The following SEMA3A variants were observed in gnomAD, a reference collection of about 807,000 sequenced individuals.
SEMA3A encodes semaphorin 3A, also known as semaphorin-3A.
Under a neutral mutation model 97.9 loss-of-function variants are expected in SEMA3A, and 29 were observed. The observed-to-expected ratio is 0.30, with a 90% CI of 0.22 to 0.40. The LOEUF is 0.40. SEMA3A is among the 10% of genes least tolerant of loss of function. The pLI, the probability that SEMA3A is intolerant of heterozygous loss-of-function variation, is 1.00. For synonymous variants in SEMA3A, 321 were observed against 323.7 expected (o/e 0.99, Z 0.09); for missense variants, 763 against 951.3 (o/e 0.80, Z 2.60).
At chr7:84,310,039 T>C (rs1036739987) in intron 2 of SEMA3A, among the ~76,000 whole-genome samples, 2 of 152,198 alleles carry the variant, frequency 1.3e-5, no homozygotes, top group Non-Finnish European at 2.9e-5. Context: ...AATCAAAATA[T>C]TGTAGAAAAC....
At chr7:84,230,090 C>T (rs1361938239) in intron 3 of SEMA3A, among the ~76,000 whole-genome samples, 3 of 151,904 alleles carry the variant, frequency 2.0e-5, no homozygotes, top group Non-Finnish European at 4.4e-5. Context: ...TGGCATTTGA[C>T]ATTCTTAACC....
chr7:84,001,790 A>C (rs998865916), intron 12 of SEMA3A, among the ~76,000 whole-genome samples, 165 bp downstream of exon 12: 10 of 152,086 alleles, frequency 6.6e-5, no homozygotes, highest in Admixed American at 4.6e-4. Flanking sequence ...CTAGCATTGA[A>C]AGTTTCAAGG....
At chr7:84,194,984 G>C (rs1798175097), upstream of SEMA3A, 1 of 155,404 alleles carries the variant, frequency 6.4e-6, no homozygotes, top group Non-Finnish European at 1.4e-5. Context: ...CGGCTCCGGG[G>C]AAGCAGAATG....
chr7:84,116,559 G>A (rs1583989682), intron 3 of SEMA3A, among the ~76,000 whole-genome samples: 1 of 152,062 alleles, frequency 6.6e-6, no homozygotes, highest in African/African-American at 2.4e-5. Flanking sequence ...TACCATCTGG[G>A]AATATGACTC....
intron 3 of SEMA3A, among the ~76,000 whole-genome samples, chr7:84,268,294 T>TGTGTGC (rs1244680258): frequency 2.0e-5 from 3 of 148,594 alleles, no homozygotes; most frequent in Non-Finnish European, 4.5e-5. Context: ...TGTGTGTGTG[T>TGTGTGC]GCAGGTGCTC....
chr7:84,418,956 TACAC>T lies in SEMA3A; in HGVS notation c.-245-47060_-245-47057del, dbSNP rs71524605. Among the ~76,000 whole-genome samples, 34 of 151,874 alleles carry T rather than the reference TACAC, an allele frequency of 2.2e-4. No individual in the cohort carries two copies. In the Middle Eastern group the frequency reaches 0.014, roughly 61 times the overall value. On this transcript the variant is annotated intron_variant, in intron 1 of 3. Coordinates refer to the SEMA3A transcript ENST00000424555. Reference sequence around the variant, plus strand: ...ATACATATATCTACACATATATATATACACACACACATACATATATATACATACA... The same window carrying T: ...ATACATATATCTACACATATATATATACACACATACATATATATACATACA...
At chr7:84,003,010 C>G (rs1790523019) in intron 11 of SEMA3A, among the ~76,000 whole-genome samples, 1 of 152,070 alleles carries the variant, frequency 6.6e-6, no homozygotes, top group African/African-American at 2.4e-5. Flanking sequence ...CTAGTTCTGA[C>G]TAAACTTGAT....
chr7:84,216,633 A>G (rs544494968), intron 3 of SEMA3A, among the ~76,000 whole-genome samples: 1 of 152,280 alleles, frequency 6.6e-6, no homozygotes, highest in African/African-American at 2.4e-5. Context: ...CCTCTGAGTC[A>G]TGTTAGGCAG....
chr7:84,020,051 T>C (rs1436829693), intron 6 of SEMA3A, among the ~76,000 whole-genome samples: 283 of 126,356 alleles, frequency 2.2e-3, no homozygotes, highest in African/African-American at 7.9e-3. Context: ...TTTTTTTTTT[T>C]TTTTTTTTTT....
chr7:83,987,794 T>G (rs879765200), intron 12 of SEMA3A, among the ~76,000 whole-genome samples: 1 of 152,202 alleles, frequency 6.6e-6, no homozygotes, highest in Admixed American at 6.5e-5. Context: ...AGTCTTTCTT[T>G]GTTTCTTATA....
intron 4 of SEMA3A, among the ~76,000 whole-genome samples, chr7:84,098,045 TAATAG>T (rs1186843532): frequency 1.3e-5 from 2 of 151,996 alleles, no homozygotes; most frequent in African/African-American, 4.8e-5. Flanking sequence ...ACATTAGAAA[TAATAG>T]AATAAAGAGT....
intron 6 of SEMA3A, among the ~76,000 whole-genome samples, chr7:84,026,114 G>A (rs1791534410): frequency 6.6e-6 from 1 of 152,130 alleles, no homozygotes; most frequent in East Asian, 1.9e-4. Context: ...CCTCAAAAAG[G>A]CAAATGACGG....
At chr7:84,172,141 C>T (rs990934443) in intron 1 of SEMA3A, among the ~76,000 whole-genome samples, 13 of 152,140 alleles carry the variant, frequency 8.5e-5, no homozygotes, top group African/African-American at 3.1e-4. Context: ...CCTTCGCTCT[C>T]TAAAAGAGCA....
intron 3 of SEMA3A, among the ~76,000 whole-genome samples, chr7:84,287,864 T>C (rs1800630523): frequency 6.6e-6 from 1 of 152,136 alleles, no homozygotes; most frequent in African/African-American, 2.4e-5. Flanking sequence ...GACTATTTAA[T>C]TTGACTAGTT....
At chr7:84,245,829 G>A (rs1368037463) in intron 3 of SEMA3A, among the ~76,000 whole-genome samples, 2 of 152,082 alleles carry the variant, frequency 1.3e-5, no homozygotes, top group Non-Finnish European at 2.9e-5. Flanking sequence ...GAGGCATGGG[G>A]GTCAGGGACC....
intron 3 of SEMA3A, among the ~76,000 whole-genome samples, chr7:84,278,611 G>C (rs1800367511): frequency 6.6e-6 from 1 of 152,126 alleles, no homozygotes; most frequent in Non-Finnish European, 1.5e-5. Context: ...CTCAGCTTCT[G>C]GGGAGGTCTC....
intron 1 of SEMA3A, among the ~76,000 whole-genome samples, chr7:84,387,009 A>AAATAAT (rs3049920): frequency 6.6e-6 from 1 of 150,990 alleles, no homozygotes; most frequent in Non-Finnish European, 1.5e-5. Flanking sequence ...CAAAAAAAGA[A>AAATAAT]AATAATAATA....
chr7:84,159,441 C>A (rs1373223391), intron 1 of SEMA3A, among the ~76,000 whole-genome samples: 1 of 152,128 alleles, frequency 6.6e-6, no homozygotes, highest in East Asian at 1.9e-4. Flanking sequence ...TTTTTGGAAG[C>A]ACTGATCTTT....
intron 3 of SEMA3A, among the ~76,000 whole-genome samples, chr7:84,213,286 A>AT (rs995251838): frequency 1.7e-4 from 25 of 151,056 alleles, no homozygotes; most frequent in South Asian, 6.3e-4. Flanking sequence ...CTGTTTCTTA[A>AT]TTTTTTTTTA....
Sources: allele counts gnomAD v4.1 joint callset (sites outside exome capture counted in the v4.1 genomes callset), GRCh38; gene constraint gnomAD v4.1.1; transcripts MANE v1.5; gene names NCBI Gene and HGNC (gene_info 2026-07-23, HGNC 2026-07-21).